The following ABLIM1 variants were observed in gnomAD, a reference collection of about 807,000 sequenced individuals.
ABLIM1 encodes the protein actin binding LIM protein 1.
A neutral mutation model predicts 107.0 loss-of-function variants in ABLIM1; 40 were observed. The observed-to-expected ratio is 0.37, with a 90% confidence interval of 0.29 to 0.49. ABLIM1 has a LOEUF of 0.49. ABLIM1 is among the 20% of genes least tolerant of loss of function. The pLI is 0.97. For synonymous variants in ABLIM1, 357 were observed against 357.3 expected (o/e 1.00, Z 0.01); for missense variants, 857 against 1,008.5 (o/e 0.85, Z 2.04).
chr10:114,771,441 T>C (rs946495716), upstream of ABLIM1, among the ~76,000 whole-genome samples: 1 of 152,244 alleles, frequency 6.6e-6, no homozygotes, highest in African/African-American at 2.4e-5. Flanking sequence ...GAGGTTTCCC[T>C]ATGTATTTAG....
intron 1 of ABLIM1, among the ~76,000 whole-genome samples, chr10:114,622,353 C>T (rs765485368): frequency 6.6e-6 from 1 of 151,296 alleles, no homozygotes; most frequent in Non-Finnish European, 1.5e-5. Context: ...TCAGATGATC[C>T]TCCCACCACT....
At chr10:114,682,013 T>G (rs747358599) in intron 1 of ABLIM1, among the ~76,000 whole-genome samples, 2 of 152,238 alleles carry the variant, frequency 1.3e-5, no homozygotes, top group African/African-American at 4.8e-5. Flanking sequence ...ATCGGCACGA[T>G]GCATTTTCCC....
chr10:114,634,982 TA>T (rs760081069), intron 1 of ABLIM1, among the ~76,000 whole-genome samples: 31 of 152,268 alleles, frequency 2.0e-4, no homozygotes, highest in Admixed American at 1.3e-3. Context: ...ACTTTACAGC[TA>T]AAGCTGCAAG....
Position 114,663,846 on chromosome 10 carries a change from C to T in ABLIM1, c.64+20444G>A, listed in dbSNP as rs142032367. 6.3e-4 allele frequency among the ~76,000 whole-genome samples: 96 copies of T among 152,324 alleles called. 1 individual carries two copies. Among genetic ancestry groups the T allele is most frequent in the Admixed American group, 2.3e-3 (35 of 15,308 alleles). On this transcript the variant is annotated intron_variant, in intron 1 of 23. Transcript: ENST00000369256. ...CAGCATTTCTCTGCACCTCCCCTGA[C>T]GGAGTTGCTGACCTTGGAGCAGGTA...
intron 12 of ABLIM1, among the ~76,000 whole-genome samples, chr10:114,457,149 T>C (rs1242650178): frequency 6.6e-6 from 1 of 152,160 alleles, no homozygotes; most frequent in African/African-American, 2.4e-5. Flanking sequence ...GGTACCAAAT[T>C]CTTAGCCCTT....
intron 6 of ABLIM1, among the ~76,000 whole-genome samples, chr10:114,507,471 T>A (rs1565687500): frequency 6.6e-6 from 1 of 152,222 alleles, no homozygotes; most frequent in African/African-American, 2.4e-5. Context: ...AATTTCTGTA[T>A]CCCACAAAGA....
rs2059254008 is a variant in ABLIM1, at chr10:114,435,238, C to G, written c.*1022G>C. ...TTCCTTAGCCTATTATTGAAAGAAACCTTAAAAACCAACAACAGCATGGGC... is the reference window on the plus strand; with the variant it reads ...TTCCTTAGCCTATTATTGAAAGAAAGCTTAAAAACCAACAACAGCATGGGC... On this transcript the variant is annotated 3_prime_UTR_variant, in exon 23 of 23. Coordinates refer to ENST00000533213, the MANE Select transcript of ABLIM1 (RefSeq NM_002313.7). 6.6e-6 allele frequency: 1 copy of G among 152,168 alleles called. No individual in the cohort carries two copies. Among genetic ancestry groups the G allele is most frequent in the Non-Finnish European group, 1.5e-5 (1 of 68,046 alleles). The allele number at this position is 152,168 out of a possible 1,614,324, so 9.4% of individuals were successfully genotyped here.
At chr10:114,743,843 T>C (rs970203676) in intron 1 of ABLIM1, among the ~76,000 whole-genome samples, 5 of 151,912 alleles carry the variant, frequency 3.3e-5, no homozygotes, top group Non-Finnish European at 5.9e-5. Flanking sequence ...CTAACCTTCA[T>C]AAAAAGATGG....
chr10:114,558,758 C>T (rs1460642977), intron 4 of ABLIM1, among the ~76,000 whole-genome samples: 3 of 152,106 alleles, frequency 2.0e-5, no homozygotes, highest in Admixed American at 2.0e-4. Context: ...TTTCTCTGAA[C>T]AATAAATAGA....
At chr10:114,700,178 T>C (rs891941703) in intron 1 of ABLIM1, among the ~76,000 whole-genome samples, 1 of 152,174 alleles carries the variant, frequency 6.6e-6, no homozygotes, top group African/African-American at 2.4e-5. Context: ...AGTTAATTCA[T>C]TACATATGAA....
At chr10:114,510,350 CT>C (rs2061679861) in intron 6 of ABLIM1, among the ~76,000 whole-genome samples, 1 of 150,496 alleles carries the variant, frequency 6.6e-6, no homozygotes, top group East Asian at 1.9e-4. Flanking sequence ...TAGGCATTTT[CT>C]TTGATTTGCA....
chr10:114,639,798 A>T (rs1279046396), intron 1 of ABLIM1, among the ~76,000 whole-genome samples: 1 of 152,200 alleles, frequency 6.6e-6, no homozygotes, highest in Admixed American at 6.5e-5. Flanking sequence ...CACACATGTG[A>T]ACAGATGAGA....
At position 114,696,575 on chromosome 10, in the gene ABLIM1, TC is replaced by T. The variant is rs547862519; in HGVS notation, c.-213+71485del. ...GAAATAATTGAATCATGGGGCAGTT[TC>T]CCCCATACTGTTCTCATGGTAGTGA... is the stretch of plus-strand genomic sequence containing the variant. On this transcript the variant is annotated intron_variant, in intron 1 of 15. Transcript: ENST00000651092. Among the ~76,000 whole-genome samples, 12 of 152,310 alleles carry T rather than the reference TC, an allele frequency of 7.9e-5. No homozygotes were observed. In the South Asian group the frequency reaches 2.5e-3, roughly 32 times the overall value.
intron 6 of ABLIM1, among the ~76,000 whole-genome samples, chr10:114,540,268 A>G (rs1037937833): frequency 3.9e-5 from 6 of 152,188 alleles, no homozygotes; most frequent in Non-Finnish European, 7.3e-5. Flanking sequence ...TTAGAGCCGA[A>G]GGGACTCCGG....
intron 5 of ABLIM1, 49 bp from the exon 6 acceptor site, chr10:114,545,147 G>C (rs745507724): frequency 6.5e-7 from 1 of 1,544,244 alleles, no homozygotes; most frequent in Non-Finnish European, 9.0e-7. Flanking sequence ...CCAGGGGCTG[G>C]AGAAGACACC....
intron 1 of ABLIM1, among the ~76,000 whole-genome samples, chr10:114,754,709 G>A (rs2142486422): frequency 6.6e-6 from 1 of 152,312 alleles, no homozygotes; most frequent in South Asian, 2.1e-4. Context: ...TAAATCAAAT[G>A]TTCTGAACAC....
chr10:114,485,614 A>G (rs1268525277), intron 8 of ABLIM1, among the ~76,000 whole-genome samples: 1 of 152,112 alleles, frequency 6.6e-6, no homozygotes, highest in Non-Finnish European at 1.5e-5. Context: ...ACCTCCTTCA[A>G]TTCCTCTCCA....
intron 1 of ABLIM1, among the ~76,000 whole-genome samples, chr10:114,634,271 T>C (rs1407664914): frequency 6.7e-6 from 1 of 148,470 alleles, no homozygotes; most frequent in South Asian, 2.2e-4. Context: ...TAGCTGGGAC[T>C]ACAGGCGCCC....
chr10:114,436,455 T>G, intron 22 of ABLIM1, 82 bp from the exon 23 acceptor site: 1 of 1,017,916 alleles, frequency 9.8e-7, no homozygotes, highest in Non-Finnish European at 1.5e-6. Flanking sequence ...CTATAGTTTA[T>G]ACAGAGTCAT....
Sources: gnomAD v4.1 joint callset for allele counts (sites outside exome capture counted in the v4.1 genomes callset) on GRCh38, gnomAD v4.1.1 for gene constraint, MANE v1.5 for transcripts, NCBI Gene and HGNC (gene_info 2026-07-23, HGNC 2026-07-21) for gene names.